The following UGT1A7 variants were observed in gnomAD, a reference collection of about 807,000 sequenced individuals.
The protein encoded by UGT1A7 is UDP glucuronosyltransferase family 1 member A7.
UGT1A7 carries 33 observed loss-of-function variants against 45.6 expected under a neutral mutation model. That is an observed-to-expected ratio of 0.72 (90% CI 0.55 to 0.97). The LOEUF (loss-of-function observed/expected upper bound fraction) is 0.97. UGT1A7 is among the 50% of genes least tolerant of loss of function. The pLI, the probability that UGT1A7 is intolerant of heterozygous loss-of-function variation, is 0.00. For missense variants in UGT1A7, 684 were observed against 666.2 expected (o/e 1.03, Z -0.29); for synonymous variants, 274 against 250.6 (o/e 1.09, Z -0.88).
Position 233,772,570 on chromosome 2 carries a change from G to C in UGT1A7, c.*11G>C. Reference sequence around the variant, plus strand: ...TCCAAGACCCATTGAGAAGTGGGTGGGAAATAAGGTAAAATTTTGAACCAT... The same window carrying C: ...TCCAAGACCCATTGAGAAGTGGGTGCGAAATAAGGTAAAATTTTGAACCAT... On this transcript the variant is annotated 3_prime_UTR_variant, in exon 5 of 5. Coordinates refer to ENST00000373426, the MANE Select transcript of UGT1A7 (RefSeq NM_019077.3). The C allele has an allele frequency of 1.2e-6, 2 of 1,612,202 alleles. No individual in the cohort carries two copies. Among genetic ancestry groups the C allele is most frequent in the Non-Finnish European group, 1.7e-6 (2 of 1,179,006 alleles).
intron 1 of UGT1A7, among the ~76,000 whole-genome samples, chr2:233,720,075 T>G (rs1197503417): frequency 1.3e-5 from 2 of 152,302 alleles, no homozygotes; most frequent in Middle Eastern, 3.4e-3. Context: ...ATTAGAATTG[T>G]GGACATGATA....
intron 1 of UGT1A7, chr2:233,693,303 C>T (rs767883759): frequency 3.1e-6 from 5 of 1,614,124 alleles, no homozygotes; most frequent in Non-Finnish European, 1.7e-6. Context: ...AATCACTTTG[C>T]TGAGCGATCA....
intron 1 of UGT1A7, among the ~76,000 whole-genome samples, chr2:233,745,982 A>G (rs1693272661): frequency 2.0e-5 from 3 of 151,698 alleles, no homozygotes; most frequent in South Asian, 2.1e-4. Flanking sequence ...TGGGACCATG[A>G]CAGCTGGGTC....
chr2:233,756,907 T>G (rs1416873228), intron 1 of UGT1A7, among the ~76,000 whole-genome samples: 2 of 152,072 alleles, frequency 1.3e-5, no homozygotes, highest in Admixed American at 6.5e-5. Flanking sequence ...CAGAACAAAC[T>G]TCTGAGTTTA....
Position 233,747,854 on chromosome 2 carries a change from G to C in UGT1A7, c.856-19180G>C, listed in dbSNP as rs28900382. 4.1e-4 allele frequency: 669 copies of C among 1,613,508 alleles called. 5 individuals are homozygous for C. The East Asian group carries it at 0.011, about 27-fold the overall frequency. On this transcript the variant is annotated intron_variant, in intron 1 of 4. Coordinates refer to ENST00000373426, the MANE Select transcript of UGT1A7 (RefSeq NM_019077.3). ...CATTCCTGCAAAGGGTCAAGAACAT[G>C]CTCTACCCTCTGGCCCTGTCCTACC...
Position 233,712,532 on chromosome 2 carries a change from A to G in UGT1A7, c.855+29740A>G, listed in dbSNP as rs541231437. Among the ~76,000 whole-genome samples, 17 of 152,328 alleles carry G rather than the reference A, an allele frequency of 1.1e-4. No homozygotes were observed. The South Asian group carries it at 3.5e-3, about 32-fold the overall frequency. The stretch of plus-strand genomic sequence containing the variant: ...GCATTTTGGATGTGCTGTGTTACCC[A>G]TATGTGGGAAGAAAGAGTATTAAGA... On this transcript the variant is annotated intron_variant, in intron 1 of 4. Coordinates refer to ENST00000373426, the MANE Select transcript of UGT1A7 (RefSeq NM_019077.3).
Position 233,768,563 on chromosome 2 carries a change from A to T in UGT1A7, c.1295+124A>T, listed in dbSNP as rs1381263592. On this transcript the variant is annotated intron_variant, in intron 4 of 4. Transcript: ENST00000373426. Reference sequence around the variant, plus strand: ...CAAATATAAAAACAAATACATAAAAATCTGGATTTTTATTTCTTCTTTTTT... The same window carrying T: ...CAAATATAAAAACAAATACATAAAATTCTGGATTTTTATTTCTTCTTTTTT... The T allele has an allele frequency of 4.1e-6, 6 of 1,456,444 alleles. No individual in the cohort carries two copies. The East Asian group carries it at 1.5e-4, about 37-fold the overall frequency. The allele number at this position is 1,456,444 out of a possible 1,614,324, so 90.2% of individuals were successfully genotyped here.
intron 1 of UGT1A7, among the ~76,000 whole-genome samples, chr2:233,715,962 T>C (rs181027310): frequency 6.6e-5 from 10 of 152,310 alleles, no homozygotes; most frequent in Non-Finnish European, 1.2e-4. Flanking sequence ...GACTGACTGA[T>C]TGACTGATTG....
At chr2:233,747,624 A>C in intron 1 of UGT1A7, 3 of 1,577,546 alleles carry the variant, frequency 1.9e-6, no homozygotes, top group Non-Finnish European at 2.6e-6. Flanking sequence ...TGAGGCCCTG[A>C]TCAGGCACCT....
chr2:233,747,214 A>G, intron 1 of UGT1A7: 1 of 1,605,450 alleles, frequency 6.2e-7, no homozygotes, highest in South Asian at 1.1e-5. Flanking sequence ...TTCTGCTGAG[A>G]TGGCCACAGG....
At chr2:233,734,842 C>T (rs1375644897) in intron 1 of UGT1A7, among the ~76,000 whole-genome samples, 1 of 152,178 alleles carries the variant, frequency 6.6e-6, no homozygotes, top group Non-Finnish European at 1.5e-5. Flanking sequence ...GTTTCTTAAT[C>T]CAGAGTTCTA....
intron 1 of UGT1A7, among the ~76,000 whole-genome samples, chr2:233,751,639 C>T (rs967910288): frequency 6.6e-6 from 1 of 152,174 alleles, no homozygotes; most frequent in African/African-American, 2.4e-5. Context: ...CAGTTTCCCC[C>T]TTGCTGTTCT....
intron 1 of UGT1A7, among the ~76,000 whole-genome samples, chr2:233,688,514 G>A (rs779302149): frequency 7.2e-5 from 11 of 152,032 alleles, no homozygotes; most frequent in Non-Finnish European, 1.0e-4. Flanking sequence ...GCAGTGAAAT[G>A]CGCCTAGAGT....
chr2:233,689,198 C>T (rs867212670), intron 1 of UGT1A7, among the ~76,000 whole-genome samples: 2 of 152,196 alleles, frequency 1.3e-5, no homozygotes, highest in Non-Finnish European at 2.9e-5. Flanking sequence ...AACTGTCTGG[C>T]TGGGCAAGCC....
At chr2:233,746,265 C>T (rs187514797) in intron 1 of UGT1A7, among the ~76,000 whole-genome samples, 21 of 151,710 alleles carry the variant, frequency 1.4e-4, no homozygotes, top group Admixed American at 8.5e-4. Context: ...CAGAACAAAA[C>T]GCTGTGGGGA....
intron 1 of UGT1A7, among the ~76,000 whole-genome samples, chr2:233,758,117 T>C (rs1223094258): frequency 1.3e-5 from 2 of 152,208 alleles, no homozygotes; most frequent in African/African-American, 4.8e-5. Context: ...GCTCACACGT[T>C]CCATAAATAT....
intron 1 of UGT1A7, among the ~76,000 whole-genome samples, chr2:233,716,998 C>A (rs2076539575): frequency 6.6e-6 from 1 of 152,190 alleles, no homozygotes; most frequent in African/African-American, 2.4e-5. Context: ...GTCCTCAGGG[C>A]CCCTATGTCT....
chr2:233,709,101 C>A (rs780265500), intron 1 of UGT1A7, among the ~76,000 whole-genome samples: 26 of 152,142 alleles, frequency 1.7e-4, no homozygotes, highest in Non-Finnish European at 3.7e-4. Context: ...AAGTCACATG[C>A]CCATCTCTGA....
rs559233241 is a variant in UGT1A7 at position 233,729,998 on chromosome 2, G to A, written c.856-37036G>A. 3 of 1,613,920 alleles carry A rather than the reference G, an allele frequency of 1.9e-6. No individual in the cohort carries two copies. In the East Asian group the frequency reaches 6.7e-5, roughly 36 times the overall value. On this transcript the variant is annotated intron_variant, in intron 1 of 4. Coordinates refer to ENST00000373426, the MANE Select transcript of UGT1A7 (RefSeq NM_019077.3). Reference sequence around the variant, plus strand: ...AACAGGAAGCCACTATCTCAGGTCTGTATTGGTGCCTTCATCCAATCAATG... The same window carrying A: ...AACAGGAAGCCACTATCTCAGGTCTATATTGGTGCCTTCATCCAATCAATG...
Sources: gnomAD v4.1 joint callset for allele counts (sites outside exome capture counted in the v4.1 genomes callset) on GRCh38, gnomAD v4.1.1 for gene constraint, MANE v1.5 for transcripts, NCBI Gene and HGNC (gene_info 2026-07-23, HGNC 2026-07-21) for gene names.